LRRC4C: variants seen among roughly 807,000 people sequenced by gnomAD.
LRRC4C encodes leucine rich repeat containing 4C, also known as leucine-rich repeat-containing protein 4C.
LRRC4C carries 5 observed loss-of-function variants against 33.6 expected under a neutral mutation model. The ratio of observed to expected loss-of-function variants is 0.15; its 90% confidence interval spans 0.08 to 0.31. The LOEUF (loss-of-function observed/expected upper bound fraction) is 0.31. LRRC4C is among the 10% of genes least tolerant of loss of function. LRRC4C has a pLI of 1.00. For missense variants in LRRC4C, 560 were observed against 796.7 expected, an observed-to-expected ratio of 0.70 and a Z score of 3.58; for synonymous variants, 329 against 302.0, an observed-to-expected ratio of 1.09 and a Z score of -0.93.
At chr11:41,264,447 C>T (rs531336535) in intron 1 of LRRC4C, among the ~76,000 whole-genome samples, 1 of 152,102 alleles carries the variant, frequency 6.6e-6, no homozygotes, top group Admixed American at 6.6e-5. Context: ...AGGATGGTGT[C>T]AAATGGCTCA....
At chr11:41,263,360 A>T (rs546916454) in intron 1 of LRRC4C, among the ~76,000 whole-genome samples, 24 of 152,300 alleles carry the variant, frequency 1.6e-4, no homozygotes, top group South Asian at 1.5e-3. Flanking sequence ...CAGTCTAAAA[A>T]TGTAATTTTC....
At chr11:40,584,785 A>G (rs2135679883) in intron 3 of LRRC4C, among the ~76,000 whole-genome samples, 1 of 152,122 alleles carries the variant, frequency 6.6e-6, no homozygotes, top group South Asian at 2.1e-4. Context: ...TACAAAAATT[A>G]GCCAGGCATG....
chr11:40,476,576 C>A (rs938489498), intron 3 of LRRC4C, among the ~76,000 whole-genome samples: 7 of 151,906 alleles, frequency 4.6e-5, no homozygotes, highest in Non-Finnish European at 1.0e-4. Flanking sequence ...AAACTCCTGA[C>A]CTCGTGATCC....
chr11:41,007,603 CCAT>C (rs1269499131), intron 1 of LRRC4C, among the ~76,000 whole-genome samples: 1 of 152,026 alleles, frequency 6.6e-6, no homozygotes, highest in Non-Finnish European at 1.5e-5. Context: ...AAGTAAGTGT[CCAT>C]CAGCAGAATA....
At chr11:41,229,461 G>A (rs11603802) in intron 1 of LRRC4C, among the ~76,000 whole-genome samples, 3,516 of 152,164 alleles carry the variant, frequency 0.023, 60 homozygotes, top group Non-Finnish European at 0.037. Flanking sequence ...CCAGTCTATA[G>A]CAACGATCAC....
At chr11:40,759,608 C>T (rs1949106515) in intron 2 of LRRC4C, among the ~76,000 whole-genome samples, 1 of 151,844 alleles carries the variant, frequency 6.6e-6, no homozygotes, top group Non-Finnish European at 1.5e-5. Flanking sequence ...CTAGTATATC[C>T]ACATTGTACC....
intron 1 of LRRC4C, among the ~76,000 whole-genome samples, chr11:41,124,934 C>G (rs1280960117): frequency 1.3e-5 from 2 of 152,086 alleles, no homozygotes; most frequent in Non-Finnish European, 2.9e-5. Flanking sequence ...GGCTGGGATA[C>G]CCAACCCCAT....
At chr11:41,221,288 G>GA (rs1245339365) in intron 1 of LRRC4C, among the ~76,000 whole-genome samples, 7,556 of 118,754 alleles carry the variant, frequency 0.064, 566 homozygotes, top group African/African-American at 0.2. Context: ...ACCATCATAT[G>GA]AAAAAAAAAA....
chr11:41,338,610 C>T (rs1364144074), intron 1 of LRRC4C, among the ~76,000 whole-genome samples: 1 of 151,894 alleles, frequency 6.6e-6, no homozygotes, highest in Non-Finnish European at 1.5e-5. Context: ...ATCTAGATGA[C>T]GGGTTGATAG....
chr11:41,360,601 G>A (rs146921392), intron 1 of LRRC4C, among the ~76,000 whole-genome samples: 4 of 152,276 alleles, frequency 2.6e-5, no homozygotes, highest in South Asian at 2.1e-4. Flanking sequence ...TGCTTAAGTC[G>A]AGATTGGATG....
chr11:40,722,073 C>A (rs760311349), intron 2 of LRRC4C, among the ~76,000 whole-genome samples: 1 of 152,106 alleles, frequency 6.6e-6, no homozygotes, highest in Non-Finnish European at 1.5e-5. Flanking sequence ...TTTTTACATC[C>A]ACAAAAAAAT....
At chr11:40,154,836 A>G (rs992874609) in intron 5 of LRRC4C, among the ~76,000 whole-genome samples, 2 of 152,188 alleles carry the variant, frequency 1.3e-5, no homozygotes, top group Non-Finnish European at 2.9e-5. Context: ...GATTTAAACT[A>G]TACCTTGGAA....
At chr11:40,887,208 T>TTA (rs1554987514) in intron 2 of LRRC4C, among the ~76,000 whole-genome samples, 3 of 150,620 alleles carry the variant, frequency 2.0e-5, no homozygotes, top group African/African-American at 4.9e-5. Context: ...CTAATACACA[T>TTA]AAAAAAAAGA....
chr11:40,363,122 C>T (rs1477678337), intron 3 of LRRC4C, among the ~76,000 whole-genome samples: 1 of 152,070 alleles, frequency 6.6e-6, no homozygotes, highest in African/African-American at 2.4e-5. Context: ...TTCATTGCAG[C>T]ACTATTTACA....
chr11:40,281,434 C>T (rs529028699), intron 4 of LRRC4C, among the ~76,000 whole-genome samples: 1 of 152,136 alleles, frequency 6.6e-6, no homozygotes, highest in Admixed American at 6.5e-5. Flanking sequence ...GCTCTCTCCC[C>T]GCAAACTCTT....
At chr11:40,557,986 G>A (rs1957397259) in intron 3 of LRRC4C, among the ~76,000 whole-genome samples, 1 of 152,074 alleles carries the variant, frequency 6.6e-6, no homozygotes, top group East Asian at 1.9e-4. Context: ...TAAATCCGCA[G>A]AGTATACTAG....
At chr11:40,461,739 C>T (rs1952408313) in intron 3 of LRRC4C, among the ~76,000 whole-genome samples, 1 of 149,386 alleles carries the variant, frequency 6.7e-6, no homozygotes, top group African/African-American at 2.4e-5. Context: ...TTATAATAAT[C>T]TTCTTTAAAA....
At chr11:41,112,524 A>G (rs574483468) in intron 1 of LRRC4C, among the ~76,000 whole-genome samples, 2 of 152,204 alleles carry the variant, frequency 1.3e-5, no homozygotes, top group South Asian at 4.1e-4. Context: ...GAGTTGAAGT[A>G]GTGGCTTTGA....
At chr11:41,369,603 G>C (rs1320317110) in intron 1 of LRRC4C, among the ~76,000 whole-genome samples, 1 of 152,074 alleles carries the variant, frequency 6.6e-6, no homozygotes, top group Non-Finnish European at 1.5e-5. Flanking sequence ...GATAAGATCA[G>C]TGCAGGATTT....
Sources: gnomAD v4.1 joint callset for allele counts (sites outside exome capture counted in the v4.1 genomes callset) on GRCh38, gnomAD v4.1.1 for gene constraint, MANE v1.5 for transcripts, NCBI Gene and HGNC (gene_info 2026-07-23, HGNC 2026-07-21) for gene names.